The following PTBP1 variants were observed in gnomAD, a reference collection of about 807,000 sequenced individuals.
PTBP1 encodes polypyrimidine tract binding protein 1.
A neutral mutation model predicts 59.8 loss-of-function variants in PTBP1; 8 were observed. The ratio of observed to expected loss-of-function variants is 0.13; its 90% confidence interval spans 0.08 to 0.24. The LOEUF (loss-of-function observed/expected upper bound fraction) is 0.24, where lower values mean the gene tolerates loss of function less well. Ranked by LOEUF, PTBP1 falls within the 10% of genes least tolerant of loss-of-function variation. PTBP1 has a pLI of 1.00. For synonymous variants in PTBP1, 490 were observed against 320.7 expected (o/e 1.53, Z -5.64); for missense variants, 686 against 767.0 (o/e 0.89, Z 1.25).
At chr19:805,295 G>A in intron 8 of PTBP1, 108 bp downstream of exon 8, 1 of 1,341,222 alleles carries the variant, frequency 7.5e-7, no homozygotes, top group Non-Finnish European at 1.0e-6. Context: ...TGATGCACCT[G>A]CTGCTCTCTG....
At chr19:801,140 GTAGGGC>G (rs1381336424) in intron 2 of PTBP1, among the ~76,000 whole-genome samples, 1 of 152,106 alleles carries the variant, frequency 6.6e-6, no homozygotes, top group African/African-American at 2.4e-5. Context: ...GAACTGTGCT[GTAGGGC>G]CCCAGCTGCA....
chr19:800,105 T>A (rs1310519922), intron 2 of PTBP1, among the ~76,000 whole-genome samples: 3 of 148,064 alleles, frequency 2.0e-5, no homozygotes, highest in East Asian at 1.9e-4. Flanking sequence ...TTTTGTATTT[T>A]TTTTTTTTTT....
Position 800,100 on chromosome 19 carries a change from TA to T in PTBP1, c.39+658del, listed in dbSNP as rs1311059344. Among the ~76,000 whole-genome samples, 53 of 55,130 alleles carry T rather than the reference TA, an allele frequency of 9.6e-4. 1 individual carries two copies. In the South Asian group the frequency reaches 0.013, roughly 14 times the overall value. The allele number at this position is 55,130 out of a possible 152,430, so 36.2% of individuals were successfully genotyped here. A position where few individuals can be genotyped will look rare whatever the true frequency, so the allele number is the denominator to read the frequency against. The stretch of plus-strand genomic sequence containing the variant: ...CACCACCATGCCCAGCTAATTTTTG[TA>T]TTTTTTTTTTTTTTTTTTGGTAAAG... On this transcript the variant is annotated intron_variant, in intron 2 of 14. Transcript: ENST00000356948.
chr19:807,640 T>A, intron 10 of PTBP1: 1 of 493,070 alleles, frequency 2.0e-6, no homozygotes. Context: ...CTGTTGTTGC[T>A]TGAAACAAAA....
In PTBP1 at chr19:811,468, A is replaced by G. The variant is rs573773195; in HGVS notation, c.*642A>G. The G allele has an allele frequency of 7.9e-5, 12 of 152,608 alleles. No homozygotes were observed. Among genetic ancestry groups the G allele is most frequent in the Non-Finnish European group, 1.3e-4 (9 of 68,030 alleles). The allele number at this position is 152,608 out of a possible 1,614,324, so 9.5% of individuals were successfully genotyped here. On this transcript the variant is annotated 3_prime_UTR_variant, in exon 15 of 15. Transcript: ENST00000356948. ...TTTGCAGTTGCAGACGTCTGTGCCT[A>G]GCAATATTTCCAGTTGACCAAATAT...
chr19:811,386 C>G lies in PTBP1; in HGVS notation c.*560C>G, dbSNP rs947235368. Reference sequence around the variant, plus strand: ...CAGGGCCTTCCCTTCTGCCCCCAGGCGGGCTCCCCGCTGCTCCAGCTGCGG... The same window carrying G: ...CAGGGCCTTCCCTTCTGCCCCCAGGGGGGCTCCCCGCTGCTCCAGCTGCGG... On this transcript the variant is annotated 3_prime_UTR_variant, in exon 15 of 15. Coordinates refer to ENST00000356948, the MANE Select transcript of PTBP1 (RefSeq NM_002819.5). The G allele has an allele frequency of 2.0e-5, 3 of 151,618 alleles. No individual in the cohort carries two copies. The East Asian group carries it at 5.8e-4, about 29-fold the overall frequency. 9.4% of individuals were successfully genotyped at this position (151,618 alleles called of 1,614,324 possible). A position where few individuals can be genotyped will look rare whatever the true frequency, so the allele number is the denominator to read the frequency against.
chr19:800,471 G>A (rs1413648091), intron 2 of PTBP1, among the ~76,000 whole-genome samples: 2 of 152,170 alleles, frequency 1.3e-5, no homozygotes, highest in African/African-American at 4.8e-5. Flanking sequence ...TGGGGTAGTT[G>A]GTTAATGATT....
At chr19:800,628 C>T (rs578115836) in intron 2 of PTBP1, among the ~76,000 whole-genome samples, 44 of 152,318 alleles carry the variant, frequency 2.9e-4, no homozygotes, top group African/African-American at 1.0e-3. Flanking sequence ...GGCCAGGTTT[C>T]GGTTTTTCCC....
In PTBP1 at chr19:811,525, A is replaced by C. The variant is rs2034874041; in HGVS notation, c.*699A>C. 6.6e-6 allele frequency: 1 copy of C among 151,604 alleles called. No homozygotes were observed. Among genetic ancestry groups the C allele is most frequent in the Non-Finnish European group, 1.5e-5 (1 of 67,852 alleles). 9.4% of individuals were successfully genotyped at this position (151,604 alleles called of 1,614,324 possible). A position where few individuals can be genotyped will look rare whatever the true frequency, so the allele number is the denominator to read the frequency against. On this transcript the variant is annotated 3_prime_UTR_variant, in exon 15 of 15. Coordinates refer to ENST00000356948, the MANE Select transcript of PTBP1 (RefSeq NM_002819.5). ...CTTTTTTCATTTATATGCAAAAGAA[A>C]TAGTTTTAAGTAACTTTTTATAGCA...
At chr19:801,484 G>T (rs1277893100) in intron 2 of PTBP1, among the ~76,000 whole-genome samples, 1 of 152,258 alleles carries the variant, frequency 6.6e-6, no homozygotes, top group African/African-American at 2.4e-5. Flanking sequence ...GGACCGCTCA[G>T]AGGAAGCGGC....
intron 1 of PTBP1, 44 bp from the exon 2 acceptor site, chr19:799,369 A>C: frequency 6.3e-7 from 1 of 1,598,010 alleles, no homozygotes; most frequent in Non-Finnish European, 8.6e-7. Flanking sequence ...CCTGCTGCTG[A>C]GTGGCCACCA....
Position 804,347 on chromosome 19 carries a change from C to G in PTBP1, c.344C>G (p.Thr115Ser). 1 of 1,613,508 alleles carries G rather than the reference C, an allele frequency of 6.2e-7. No homozygotes were observed. Among genetic ancestry groups the G allele is most frequent in the Non-Finnish European group, 8.5e-7 (1 of 1,179,984 alleles). Residue 115 changes from threonine to serine, a missense_variant, in exon 5 of 15, where the codon ACC (threonine) becomes AGC (serine). Transcript: ENST00000356948. ...EAANTMVNYY[T>S]SVTPVLRGQP... ...GCCAACACCATGGTGAACTACTACA[C>G]CTCGGTGACCCCTGTGCTGCGCGGC...
At position 804,772 on chromosome 19, in the gene PTBP1, C is replaced by T. The variant is rs544841632; in HGVS notation, c.607-57C>T. On this transcript the variant is annotated intron_variant, in intron 6 of 14. Coordinates refer to ENST00000356948, the MANE Select transcript of PTBP1 (RefSeq NM_002819.5). Reference sequence around the variant, plus strand: ...TGTGGGCACAGGCACACGGGAGGGGCCTGGCAGGGCTGGTGGGCACCGGGC... The same window carrying T: ...TGTGGGCACAGGCACACGGGAGGGGTCTGGCAGGGCTGGTGGGCACCGGGC... The T allele has an allele frequency of 2.9e-4, 472 of 1,608,294 alleles. 3 individuals are homozygous for T. Among genetic ancestry groups the T allele is most frequent in the Middle Eastern group, 9.9e-4 (6 of 6,052 alleles).
Position 808,537 on chromosome 19 carries a change from C to T in PTBP1, c.1247-9C>T, listed in dbSNP as rs760075704. 1 of 1,578,856 alleles carries T rather than the reference C, an allele frequency of 6.3e-7. No individual in the cohort carries two copies. Among genetic ancestry groups the T allele is most frequent in the Non-Finnish European group, 8.6e-7 (1 of 1,165,026 alleles). ...CGGGCGCCTGGTCACGCGGGTGCTG[C>T]TCCCCCAGCCATGAGCCACCTGAAC... On this transcript the variant is annotated splice_polypyrimidine_tract_variant and intron_variant, in intron 12 of 14. Coordinates refer to ENST00000356948, the MANE Select transcript of PTBP1 (RefSeq NM_002819.5). The surrounding 1 kb of genome is among the most constrained non-coding windows in gnomAD (Gnocchi z 4.7).
chr19:803,763 C>A, intron 3 of PTBP1, 127 bp downstream of exon 3: 1 of 904,618 alleles, frequency 1.1e-6, no homozygotes, highest in Non-Finnish European at 1.7e-6. Context: ...GCTACAGACC[C>A]AGGTCCAAGT....
At chr19:799,325 A>T in intron 1 of PTBP1, 88 bp from the exon 2 acceptor site, 2 of 1,253,452 alleles carry the variant, frequency 1.6e-6, no homozygotes, top group Non-Finnish European at 2.3e-6. Context: ...GCAGGGACCT[A>T]CGGGCTCTCC....
chr19:804,408 G>A lies in PTBP1; in HGVS notation c.405G>A (p.Glu135=), dbSNP rs759934522. ...ACATCCAGTTCTCCAACCACAAGGA[G>A]CTGAAGACCGACAGCTCTCCCAACC... ...PIYIQFSNHK[E]LKTDSSPNQA... The change falls in exon 5 of 15, where the codon GAG becomes GAA. Residue 135 remains glutamate, a synonymous_variant. Transcript: ENST00000356948. The A allele has an allele frequency of 1.9e-6, 3 of 1,612,120 alleles. No homozygotes were observed. The highest frequency in any genetic ancestry group is 2.5e-6 in the Non-Finnish European group (3 of 1,180,002).
At chr19:809,426 G>A (rs1012454395) in intron 13 of PTBP1, among the ~76,000 whole-genome samples, 1 of 152,104 alleles carries the variant, frequency 6.6e-6, no homozygotes, top group African/African-American at 2.4e-5. Flanking sequence ...ATGCCACTCT[G>A]CTGCCTCAGC....
intron 1 of PTBP1, chr19:799,199 A>C: frequency 1.6e-6 from 1 of 642,838 alleles, no homozygotes; most frequent in African/African-American, 1.8e-5. Flanking sequence ...GCGCCAAAGG[A>C]CAATGGTGGC....
Sources: allele counts gnomAD v4.1 joint callset (sites outside exome capture counted in the v4.1 genomes callset), GRCh38; gene constraint gnomAD v4.1.1; non-coding constraint Gnocchi (gnomAD v3.1); transcripts MANE v1.5; gene names NCBI Gene and HGNC (gene_info 2026-07-23, HGNC 2026-07-21).